AKAP13: variants seen among roughly 807,000 people sequenced by gnomAD.
The protein encoded by AKAP13 is A-kinase anchor protein 13.
Under a neutral mutation model 264.5 loss-of-function variants are expected in AKAP13, and 80 were observed. The observed-to-expected ratio is 0.30, with a 90% CI of 0.25 to 0.36. The LOEUF (loss-of-function observed/expected upper bound fraction) is 0.36, where lower values mean the gene tolerates loss of function less well. Ranked by LOEUF, AKAP13 falls within the 10% of genes least tolerant of loss-of-function variation. The pLI is 1.00. For missense variants in AKAP13, 3,712 were observed against 3,435.2 expected (o/e 1.08, Z -2.01); for synonymous variants, 1,380 against 1,250.2 (o/e 1.10, Z -2.19).
intron 30 of AKAP13, among the ~76,000 whole-genome samples, chr15:85,733,162 T>C (rs941842881): frequency 2.0e-5 from 3 of 152,252 alleles, no homozygotes; most frequent in African/African-American, 7.2e-5. Flanking sequence ...ATGAGAGTAA[T>C]AGTCCATGAG....
Position 85,746,876 on chromosome 15 carries a change from G to A in AKAP13, c.*2199G>A, listed in dbSNP as rs1347872616. The A allele has an allele frequency of 6.6e-6, 1 of 152,174 alleles. No individual in the cohort carries two copies. The highest frequency in any genetic ancestry group is 2.4e-5 in the African/African-American group (1 of 41,434). The allele number at this position is 152,174 out of a possible 1,614,324, so 9.4% of individuals were successfully genotyped here. On this transcript the variant is annotated 3_prime_UTR_variant, in exon 37 of 37. Coordinates refer to ENST00000394518, the MANE Select transcript of AKAP13 (RefSeq NM_007200.5). ...CTGTTCTCCGGGTTTGGAACAATACGAGGTTGGTGCTGATGGGATTTACTT... is the reference window on the plus strand; with the variant it reads ...CTGTTCTCCGGGTTTGGAACAATACAAGGTTGGTGCTGATGGGATTTACTT...
chr15:85,503,052 T>C (rs556480506), intron 2 of AKAP13, among the ~76,000 whole-genome samples: 25 of 152,354 alleles, frequency 1.6e-4, no homozygotes, highest in African/African-American at 6.0e-4. Flanking sequence ...ACATTTTCTT[T>C]GTACCTAGTG....
At chr15:85,655,304 A>G (rs887874318) in intron 10 of AKAP13, 113 bp from the exon 11 acceptor site, 8 of 1,364,660 alleles carry the variant, frequency 5.9e-6, no homozygotes, top group East Asian at 2.4e-5. Flanking sequence ...GAGGCCAATT[A>G]TGATCTTACC....
intron 1 of AKAP13, among the ~76,000 whole-genome samples, chr15:85,387,293 G>A (rs544809949): frequency 1.2e-4 from 18 of 152,108 alleles, no homozygotes; most frequent in African/African-American, 3.9e-4. Flanking sequence ...CCGACATTGC[G>A]CCACTTTACT....
rs528198204 is a variant in AKAP13, at chr15:85,448,916, T to A, written c.-11-36794T>A. Among the ~76,000 whole-genome samples the A allele has an allele frequency of 5.6e-4, 84 of 150,558 alleles. No individual in the cohort carries two copies. The Middle Eastern group carries it at 0.01, about 18-fold the overall frequency. On this transcript the variant is annotated intron_variant, in intron 1 of 36. Transcript: ENST00000394518. ...CTCAGGTTCCATATAATTAAAAAAA[T>A]TTTTTTTTCTAGTTCTGTGAAGAAT...
At chr15:85,423,392 C>A (rs1450579021) in intron 1 of AKAP13, among the ~76,000 whole-genome samples, 1 of 152,192 alleles carries the variant, frequency 6.6e-6, no homozygotes, top group African/African-American at 2.4e-5. Flanking sequence ...GTTGTCATTT[C>A]AACAATGCAC....
Position 85,743,508 on chromosome 15 carries a change from C to T in AKAP13, c.8075C>T (p.Thr2692Ile), listed in dbSNP as rs762278238. Reference protein sequence around the residue: ...RDLCQVSHPHTKLMRIPSFFP... With the variant: ...RDLCQVSHPHIKLMRIPSFFP... ...TATGTACAGGTTTCCCATCCACATA[C>T]CAAGCTGATGAGGATCCCATCGTTC... Residue 2692 changes from threonine (T) to isoleucine (I), a missense_variant, in exon 36 of 37, where the codon ACC becomes ATC. Around this residue, in one of 3 missense-constraint regions of AKAP13, gnomAD observed 611 missense variants for 539.3 expected, o/e 1.13. Coordinates refer to ENST00000394518, the MANE Select transcript of AKAP13 (RefSeq NM_007200.5). The T allele has an allele frequency of 3.7e-6, 6 of 1,613,862 alleles. No individual in the cohort carries two copies. Among genetic ancestry groups the T allele is most frequent in the Non-Finnish European group, 5.1e-6 (6 of 1,179,806 alleles).
rs1567057955 is a variant in AKAP13 at position 85,439,974 on chromosome 15, A to AAT, written c.-11-45735_-11-45734insTA. Among the ~76,000 whole-genome samples the AAT allele has an allele frequency of 4.1e-3, 583 of 143,520 alleles. 22 individuals carry two copies. The East Asian group carries it at 0.091, about 22-fold the overall frequency. The allele number at this position is 143,520 out of a possible 152,430, so 94.2% of individuals were successfully genotyped here. ...ACCCTAAAACTTAAAGTATAATAAA[A>AAT]AATAATAATAATAATAATAATAAAT... On this transcript the variant is annotated intron_variant, in intron 1 of 36. Transcript: ENST00000394518.
chr15:85,705,022 A>AG (rs1280977614), intron 17 of AKAP13, among the ~76,000 whole-genome samples: 5 of 152,226 alleles, frequency 3.3e-5, no homozygotes, highest in African/African-American at 1.2e-4. Flanking sequence ...TATCACTAAG[A>AG]GAAAACTCAT....
At chr15:85,694,851 A>G (rs1394851495) in intron 17 of AKAP13, among the ~76,000 whole-genome samples, 2 of 152,248 alleles carry the variant, frequency 1.3e-5, no homozygotes, top group East Asian at 1.9e-4. Context: ...TCAGATGTCA[A>G]GGAGCAACTC....
At chr15:85,613,691 A>AAAAAATATATATATAT (rs1313187436) in intron 8 of AKAP13, among the ~76,000 whole-genome samples, 3 of 91,968 alleles carry the variant, frequency 3.3e-5, no homozygotes, top group Non-Finnish European at 6.7e-5. Context: ...AAAAAAAAAA[A>AAAAAATATATATATAT]ATATATATAT....
intron 4 of AKAP13, 172 bp downstream of exon 4, chr15:85,534,052 A>G (rs369789856): frequency 1.2e-4 from 77 of 657,820 alleles, no homozygotes; most frequent in Non-Finnish European, 1.6e-4. Flanking sequence ...AGGTTCTTCA[A>G]TTGAGCTGTT....
chr15:85,520,884 C>G (rs988826699), intron 2 of AKAP13, among the ~76,000 whole-genome samples: 1 of 152,278 alleles, frequency 6.6e-6, no homozygotes, highest in African/African-American at 2.4e-5. Flanking sequence ...TGCACTTAAG[C>G]TGGAGCCCAA....
chr15:85,682,461 A>G (rs1228605321), intron 15 of AKAP13, among the ~76,000 whole-genome samples: 1 of 152,168 alleles, frequency 6.6e-6, no homozygotes, highest in African/African-American at 2.4e-5. Context: ...GTGAGGGTAC[A>G]CTATTATTTG....
chr15:85,483,895 A>G (rs2075437209), intron 1 of AKAP13, among the ~76,000 whole-genome samples: 1 of 152,166 alleles, frequency 6.6e-6, no homozygotes, highest in African/African-American at 2.4e-5. Flanking sequence ...GTGTTAGTAT[A>G]TTTTATGTGT....
intron 3 of AKAP13, among the ~76,000 whole-genome samples, chr15:85,532,433 A>G (rs967116625): frequency 6.6e-6 from 1 of 152,224 alleles, no homozygotes; most frequent in African/African-American, 2.4e-5. Context: ...TAGCTGTAGA[A>G]GAGCAGTCTG....
At position 85,748,182 on chromosome 15, in the gene AKAP13, G is replaced by A. The variant is rs1369139052; in HGVS notation, c.*3505G>A. 6.6e-6 allele frequency: 1 copy of A among 152,036 alleles called. No homozygotes were observed. Among genetic ancestry groups the A allele is most frequent in the Admixed American group, 6.6e-5 (1 of 15,234 alleles). The allele number at this position is 152,036 out of a possible 1,614,324, so 9.4% of individuals were successfully genotyped here. On this transcript the variant is annotated 3_prime_UTR_variant, in exon 37 of 37. Transcript: ENST00000394518. ...CATTGGAGTTGAGGTTTACTCTAAT[G>A]ATGGTGGCCCAGCTGTGCCCAGAGG... is the stretch of plus-strand genomic sequence containing the variant.
At chr15:85,395,904 C>A (rs1354141729) in intron 1 of AKAP13, among the ~76,000 whole-genome samples, 1 of 151,978 alleles carries the variant, frequency 6.6e-6, no homozygotes, top group Non-Finnish European at 1.5e-5. Context: ...TTCTTGAGGG[C>A]AAATTTTATC....
At chr15:85,588,723 C>T (rs1335772984) in intron 8 of AKAP13, among the ~76,000 whole-genome samples, 1 of 152,148 alleles carries the variant, frequency 6.6e-6, no homozygotes, top group Non-Finnish European at 1.5e-5. Context: ...CAGCATACCT[C>T]AATTTACAGA....
Sources: gnomAD v4.1 joint callset for allele counts (sites outside exome capture counted in the v4.1 genomes callset) on GRCh38, gnomAD v4.1.1 for gene constraint, gnomAD v4.1.1 regional missense constraint, MANE v1.5 for transcripts, NCBI Gene and HGNC (gene_info 2026-07-23, HGNC 2026-07-21) for gene names.